Variants in IAH1 observed in about 807,000 individuals in gnomAD.
The protein encoded by IAH1 is isoamyl acetate hydrolyzing esterase 1 (putative), also known as isoamyl acetate-hydrolyzing esterase 1 homolog.
In IAH1, 24 loss-of-function variants were observed where a neutral mutation model predicts 26.7. The observed-to-expected ratio is 0.90, with a 90% CI of 0.65 to 1.26. The LOEUF (loss-of-function observed/expected upper bound fraction) is 1.26, where lower values mean the gene tolerates loss of function less well. Among genes scored for constraint, IAH1 ranks in the 50% most tolerant of loss-of-function variants. The pLI is 0.00. For missense variants in IAH1, 300 were observed against 299.9 expected, an observed-to-expected ratio of 1.00 and a Z score of 0.00; for synonymous variants, 140 against 118.5, an observed-to-expected ratio of 1.18 and a Z score of -1.18.
chr2:9,491,009 A>G (rs1662093609), downstream of IAH1: 1 of 1,137,584 alleles, frequency 8.8e-7, no homozygotes, highest in African/African-American at 1.5e-5. Context: ...TCCATCAGCC[A>G]GTGAAAGCTC....
the IAH1 span, chr2:9,505,118 C>A: frequency 6.3e-7 from 1 of 1,592,088 alleles, no homozygotes; most frequent in Non-Finnish European, 8.6e-7. Context: ...TTATTTTGGA[C>A]ATCTTGTTAT....
chr2:9,512,155 A>C, the IAH1 span, among the ~76,000 whole-genome samples: 15 of 152,144 alleles, frequency 9.9e-5, no homozygotes, highest in Non-Finnish European at 2.9e-5. Flanking sequence ...GGGAAAAAAA[A>C]CTTAAATTTT....
chr2:9,475,657 C>T, intron 1 of IAH1: 1 of 344,806 alleles, frequency 2.9e-6, no homozygotes, highest in Non-Finnish European at 5.5e-6. Context: ...TGCGCCACCA[C>T]ACCGGGCTAA....
chr2:9,496,881 T>C (rs1219720608), downstream of IAH1, among the ~76,000 whole-genome samples: 1 of 152,188 alleles, frequency 6.6e-6, no homozygotes, highest in African/African-American at 2.4e-5. Context: ...GCCTGCCATA[T>C]GGCCTGAAAC....
At chr2:9,499,187 C>T (rs1238510170), downstream of IAH1, among the ~76,000 whole-genome samples, 1 of 148,124 alleles carries the variant, frequency 6.8e-6, no homozygotes, top group African/African-American at 2.5e-5. Flanking sequence ...TTATCAGGAA[C>T]TTATCCTCTG....
chr2:9,510,300 C>A, the IAH1 span, among the ~76,000 whole-genome samples: 2 of 152,180 alleles, frequency 1.3e-5, no homozygotes, highest in African/African-American at 4.8e-5. Context: ...GGGAGGATTA[C>A]TTTACTCTAG....
downstream of IAH1, among the ~76,000 whole-genome samples, chr2:9,500,092 G>C (rs1319371396): frequency 5.4e-5 from 2 of 37,292 alleles, no homozygotes; most frequent in Non-Finnish European, 9.1e-5. Context: ...AAAACTCATA[G>C]ATAAATGTTC....
downstream of IAH1, chr2:9,492,761 A>G (rs894811080): frequency 1.3e-5 from 8 of 634,778 alleles, no homozygotes; most frequent in African/African-American, 1.3e-4. Flanking sequence ...TCCCCTAGGA[A>G]TAACAACAAA....
intron 2 of IAH1, among the ~76,000 whole-genome samples, chr2:9,477,241 C>T (rs143345242): frequency 9.2e-4 from 140 of 152,278 alleles, no homozygotes; most frequent in Admixed American, 2.2e-3. Flanking sequence ...CGCTGCCTGA[C>T]GCTGTGGCCT....
chr2:9,490,586 C>T, downstream of IAH1: 1 of 1,437,438 alleles, frequency 7.0e-7, no homozygotes, highest in South Asian at 1.4e-5. Flanking sequence ...ACAGCTCCAC[C>T]CTTACCCATC....
At chr2:9,507,932 G>C in the IAH1 span, among the ~76,000 whole-genome samples, 5 of 152,076 alleles carry the variant, frequency 3.3e-5, no homozygotes, top group African/African-American at 1.2e-4. Flanking sequence ...GGCTGATCCT[G>C]AACTCCTAGG....
the IAH1 span, chr2:9,509,837 A>G: frequency 0.56 from 598,740 of 1,066,446 alleles, 177,264 homozygotes; most frequent in African/African-American, 0.71. Flanking sequence ...AAAACACACA[A>G]CCACGTTTCA....
the IAH1 span, chr2:9,505,333 A>G: frequency 1.2e-6 from 2 of 1,614,172 alleles, no homozygotes; most frequent in Non-Finnish European, 1.7e-6. Context: ...CAATGGTCTT[A>G]TAGATTGATT....
At chr2:9,508,800 G>C in the IAH1 span, among the ~76,000 whole-genome samples, 1 of 152,208 alleles carries the variant, frequency 6.6e-6, no homozygotes, top group Middle Eastern at 3.4e-3. Flanking sequence ...GAAATGCAGA[G>C]ACTATGAAAA....
At chr2:9,486,224 A>G (rs1661469253) in intron 5 of IAH1, 1 of 152,214 alleles carries the variant, frequency 6.6e-6, no homozygotes, top group African/African-American at 2.4e-5. Flanking sequence ...TGAGAGCCTA[A>G]GCAGATCTGG....
At chr2:9,485,466 C>A (rs954324574) in intron 5 of IAH1, 6 of 152,392 alleles carry the variant, frequency 3.9e-5, no homozygotes, top group Non-Finnish European at 7.3e-5. Context: ...CCAGCCTGGC[C>A]AACATGGCGA....
chr2:9,494,640 C>G, downstream of IAH1: 1 of 1,613,924 alleles, frequency 6.2e-7, no homozygotes, highest in Non-Finnish European at 8.5e-7. Flanking sequence ...TACTCACATT[C>G]ATGTCACAAA....
chr2:9,510,295 G>C, the IAH1 span, among the ~76,000 whole-genome samples: 5 of 152,158 alleles, frequency 3.3e-5, no homozygotes, highest in Non-Finnish European at 7.4e-5. Context: ...GAGATGGGAG[G>C]ATTACTTTAC....
chr2:9,499,401 G>GT (rs1260591558), downstream of IAH1, among the ~76,000 whole-genome samples: 4 of 151,720 alleles, frequency 2.6e-5, no homozygotes, highest in South Asian at 4.2e-4. Flanking sequence ...CCTAACATTT[G>GT]TTTTTTTGGT....
Sources: gnomAD v4.1 joint callset for allele counts (sites outside exome capture counted in the v4.1 genomes callset) on GRCh38, gnomAD v4.1.1 for gene constraint, MANE v1.5 for transcripts, NCBI Gene and HGNC (gene_info 2026-07-23, HGNC 2026-07-21) for gene names.